Variants in DGKB observed in about 807,000 individuals in gnomAD.
The protein encoded by DGKB is diacylglycerol kinase beta.
In DGKB, 67 loss-of-function variants were observed where a neutral mutation model predicts 114.3. The ratio of observed to expected loss-of-function variants is 0.59; its 90% CI spans 0.48 to 0.72. DGKB has a LOEUF of 0.72. Among genes scored for constraint, DGKB ranks in the 30% least tolerant of loss-of-function variants. The pLI is 0.00. For synonymous variants in DGKB, 398 were observed against 323.1 expected (o/e 1.23, Z -2.49); for missense variants, 907 against 975.2 (o/e 0.93, Z 0.93).
chr7:14,757,694 G>A lies in DGKB; in HGVS notation c.108C>T (p.Phe36=). 1 of 1,605,736 alleles carries A rather than the reference G, an allele frequency of 6.2e-7. No homozygotes were observed. The highest frequency in any genetic ancestry group is 1.1e-5 in the South Asian group (1 of 90,208). The change falls in exon 3 of 26, where the codon TTC becomes TTT. Residue 36 remains phenylalanine, a synonymous_variant. Coordinates refer to ENST00000402815, the MANE Select transcript of DGKB (RefSeq NM_001350709.2). ...ACTTTGCAAGCACACCATTACCATG[G>A]AATTCTTCAAGAACATCCTTTAATT... The part of the protein sequence containing the change: ...TKKLKDVLEE[F]HGNGVLAKYN...
intron 2 of DGKB, among the ~76,000 whole-genome samples, chr7:14,777,939 G>A (rs1028400580): frequency 3.3e-5 from 5 of 152,140 alleles, no homozygotes; most frequent in African/African-American, 1.2e-4. Context: ...CTTGTGTATA[G>A]AATCTGGAAA....
chr7:14,162,496 C>T (rs17762557), intron 25 of DGKB, among the ~76,000 whole-genome samples: 5,899 of 152,204 alleles, frequency 0.039, 147 homozygotes, highest in Non-Finnish European at 0.056. Flanking sequence ...GCATATTTCT[C>T]ATTTAATTTT....
At chr7:14,564,492 G>C (rs979781393) in intron 20 of DGKB, among the ~76,000 whole-genome samples, 1 of 152,130 alleles carries the variant, frequency 6.6e-6, no homozygotes, top group Non-Finnish European at 1.5e-5. Context: ...AAGGGAATTA[G>C]TCTGTAAAAG....
chr7:14,886,088 T>C (rs566338847), intron 1 of DGKB, among the ~76,000 whole-genome samples: 1 of 151,934 alleles, frequency 6.6e-6, no homozygotes, highest in African/African-American at 2.4e-5. Flanking sequence ...AAAGACCATA[T>C]AGCAAGTTAA....
intron 21 of DGKB, among the ~76,000 whole-genome samples, chr7:14,420,431 G>C (rs1270036580): frequency 1.3e-5 from 2 of 151,992 alleles, no homozygotes; most frequent in Non-Finnish European, 2.9e-5. Context: ...CACATTTAGA[G>C]TAAGTTTTGG....
At chr7:14,559,463 A>C (rs557163662) in intron 20 of DGKB, among the ~76,000 whole-genome samples, 10 of 152,290 alleles carry the variant, frequency 6.6e-5, no homozygotes, top group African/African-American at 2.4e-4. Flanking sequence ...CCTAAAATAC[A>C]GGCAGTCTCT....
At chr7:14,164,351 T>G (rs1784341612) in intron 25 of DGKB, among the ~76,000 whole-genome samples, 1 of 152,194 alleles carries the variant, frequency 6.6e-6, no homozygotes, top group African/African-American at 2.4e-5. Flanking sequence ...GTGCAACTTT[T>G]AACTAGAAAA....
chr7:14,859,230 A>C (rs544275522), intron 1 of DGKB, among the ~76,000 whole-genome samples: 1 of 152,014 alleles, frequency 6.6e-6, no homozygotes, highest in African/African-American at 2.4e-5. Flanking sequence ...GAGGTCTGGG[A>C]AAAAAAGCAG....
At chr7:14,459,654 C>T (rs2128865261) in intron 21 of DGKB, among the ~76,000 whole-genome samples, 2 of 151,876 alleles carry the variant, frequency 1.3e-5, no homozygotes, top group East Asian at 1.9e-4. Context: ...GACAGGGAGA[C>T]CAAGTTGAAA....
intron 1 of DGKB, among the ~76,000 whole-genome samples, chr7:14,891,364 T>C (rs1342395538): frequency 6.6e-6 from 1 of 151,462 alleles, no homozygotes; most frequent in Non-Finnish European, 1.5e-5. Flanking sequence ...AGAGTTCACC[T>C]ACTTATTCAG....
intron 23 of DGKB, among the ~76,000 whole-genome samples, chr7:14,278,052 G>A (rs1012466611): frequency 1.3e-5 from 2 of 152,104 alleles, no homozygotes; most frequent in African/African-American, 4.8e-5. Context: ...GAATTTGTTG[G>A]TCATTTGTAT....
chr7:14,621,205 GTCAA>G (rs1198299543), intron 15 of DGKB, 169 bp downstream of exon 15: 8 of 517,644 alleles, frequency 1.5e-5, no homozygotes, highest in Admixed American at 1.1e-4. Flanking sequence ...ATGTTACTCT[GTCAA>G]TCAACCGTAA....
At chr7:14,477,880 C>A (rs961031061) in intron 21 of DGKB, among the ~76,000 whole-genome samples, 5 of 152,024 alleles carry the variant, frequency 3.3e-5, no homozygotes, top group African/African-American at 1.2e-4. Context: ...TCCAGTGTGT[C>A]TTAAAACTAT....
chr7:14,571,659 GT>G (rs1322273429), intron 20 of DGKB, among the ~76,000 whole-genome samples: 2 of 152,328 alleles, frequency 1.3e-5, no homozygotes, highest in Non-Finnish European at 2.9e-5. Flanking sequence ...TAAATGAGAG[GT>G]TTTGTACATG....
At chr7:14,325,103 A>G (rs1808487936) in intron 23 of DGKB, among the ~76,000 whole-genome samples, 1 of 152,184 alleles carries the variant, frequency 6.6e-6, no homozygotes, top group Admixed American at 6.5e-5. Context: ...TCACAATGTC[A>G]TTAATTTCTT....
chr7:14,580,443 A>G (rs913424944), intron 19 of DGKB, among the ~76,000 whole-genome samples: 4 of 152,192 alleles, frequency 2.6e-5, no homozygotes, highest in African/African-American at 4.8e-5. Context: ...AAAACTGAGT[A>G]TTATTTAACG....
intron 2 of DGKB, among the ~76,000 whole-genome samples, chr7:14,814,431 T>C (rs1843832138): frequency 6.6e-6 from 1 of 152,184 alleles, no homozygotes; most frequent in Non-Finnish European, 1.5e-5. Context: ...TCTTGCTGTA[T>C]GAAAAAACAC....
chr7:14,480,068 T>A (rs1782758938), intron 20 of DGKB, among the ~76,000 whole-genome samples: 2 of 152,000 alleles, frequency 1.3e-5, no homozygotes, highest in Non-Finnish European at 2.9e-5. Flanking sequence ...GTGTATATTT[T>A]TGTAATGACA....
chr7:14,582,450 G>A (rs571531179), intron 18 of DGKB, among the ~76,000 whole-genome samples: 1 of 152,246 alleles, frequency 6.6e-6, no homozygotes, highest in African/African-American at 2.4e-5. Context: ...GCTTAACTGT[G>A]CATTCTAATC....
Sources: gnomAD v4.1 joint callset for allele counts (sites outside exome capture counted in the v4.1 genomes callset) on GRCh38, gnomAD v4.1.1 for gene constraint, MANE v1.5 for transcripts, NCBI Gene and HGNC (gene_info 2026-07-23, HGNC 2026-07-21) for gene names.